Variants in IMMP2L observed in about 807,000 individuals in gnomAD.
IMMP2L encodes the protein inner mitochondrial membrane peptidase subunit 2, also known as mitochondrial inner membrane protease subunit 2.
IMMP2L carries 18 observed loss-of-function variants against 19.3 expected under a neutral mutation model. That is an observed-to-expected ratio of 0.93 (90% CI 0.64 to 1.38). IMMP2L has a LOEUF of 1.38. IMMP2L is among the 40% of genes most tolerant of loss of function. IMMP2L has a pLI of 0.00. For missense variants in IMMP2L, 233 were observed against 218.2 expected, an observed-to-expected ratio of 1.07 and a Z score of -0.43; for synonymous variants, 76 against 73.0, an observed-to-expected ratio of 1.04 and a Z score of -0.21.
chr7:111,085,043 TA>T (rs1796198299), intron 3 of IMMP2L, among the ~76,000 whole-genome samples: 1 of 151,914 alleles, frequency 6.6e-6, no homozygotes, highest in Non-Finnish European at 1.5e-5. Context: ...GAGAGAGACA[TA>T]GAGAAAAGCC....
intron 5 of IMMP2L, among the ~76,000 whole-genome samples, chr7:110,685,097 G>A (rs954222943): frequency 6.6e-6 from 1 of 151,862 alleles, no homozygotes; most frequent in East Asian, 1.9e-4. Flanking sequence ...CTAATCCATC[G>A]GTCAAATAGA....
intron 4 of IMMP2L, among the ~76,000 whole-genome samples, chr7:110,901,980 G>A (rs1031351982): frequency 2.6e-5 from 4 of 152,050 alleles, no homozygotes; most frequent in Non-Finnish European, 5.9e-5. Context: ...AAAGCTATAA[G>A]ACTATATGAA....
chr7:111,192,194 C>T (rs540283536), intron 3 of IMMP2L, among the ~76,000 whole-genome samples: 8 of 152,082 alleles, frequency 5.3e-5, no homozygotes, highest in African/African-American at 1.7e-4. Flanking sequence ...CCTCATCAGC[C>T]TTGATCAGAT....
At position 110,728,697 on chromosome 7, in the gene IMMP2L, C is replaced by CA. The variant is rs1182889223; in HGVS notation, c.409-64977dup. ...CAAAGGACAGTAATAAGTCCAGTCT[C>CA]AAAAAAGTATTGTTTGTACTGAATG... is the stretch of plus-strand genomic sequence containing the variant. On this transcript the variant is annotated intron_variant, in intron 5 of 5. Transcript: ENST00000405709. The surrounding 1 kb of genome is among the most constrained non-coding windows in gnomAD (Gnocchi z 4.6). Among the ~76,000 whole-genome samples the CA allele has an allele frequency of 6.6e-6, 1 of 151,992 alleles. No individual in the cohort carries two copies. Among genetic ancestry groups the CA allele is most frequent in the Non-Finnish European group, 1.5e-5 (1 of 67,996 alleles).
intron 5 of IMMP2L, among the ~76,000 whole-genome samples, chr7:110,701,009 C>T (rs1159950888): frequency 6.6e-6 from 1 of 152,102 alleles, no homozygotes; most frequent in Admixed American, 6.5e-5. Flanking sequence ...TTATTTTTAA[C>T]AGACCTAAAT....
intron 1 of IMMP2L, among the ~76,000 whole-genome samples, chr7:111,543,801 C>T (rs1212402331): frequency 6.6e-6 from 1 of 152,108 alleles, no homozygotes; most frequent in Non-Finnish European, 1.5e-5. Context: ...TAAGAATATA[C>T]CTTTCATTCC....
intron 3 of IMMP2L, chr7:111,124,473 A>T (rs1801042960): frequency 6.2e-7 from 1 of 1,613,844 alleles, no homozygotes; most frequent in Admixed American, 1.7e-5. Flanking sequence ...ATGCTGCGCA[A>T]AGTGCTCGAA....
chr7:111,519,687 C>A (rs1302128006), intron 2 of IMMP2L, among the ~76,000 whole-genome samples: 1 of 151,992 alleles, frequency 6.6e-6, no homozygotes, highest in African/African-American at 2.4e-5. Flanking sequence ...TCTCTCAGCA[C>A]AAGCCATGAA....
intron 3 of IMMP2L, among the ~76,000 whole-genome samples, chr7:111,007,592 T>C (rs910834738): frequency 6.6e-6 from 1 of 152,140 alleles, no homozygotes; most frequent in African/African-American, 2.4e-5. Context: ...TTTTTTCATG[T>C]ACACTCACTC....
At chr7:111,447,996 A>C (rs1193332180) in intron 3 of IMMP2L, among the ~76,000 whole-genome samples, 2 of 143,282 alleles carry the variant, frequency 1.4e-5, no homozygotes, top group Non-Finnish European at 3.0e-5. Flanking sequence ...TCAATTCAAC[A>C]AGAAGAGCTA....
At chr7:110,855,772 T>C (rs908299956) in intron 5 of IMMP2L, among the ~76,000 whole-genome samples, 2 of 152,010 alleles carry the variant, frequency 1.3e-5, no homozygotes, top group African/African-American at 4.8e-5. Context: ...TCACCTTTAT[T>C]TGATCACTAT....
intron 5 of IMMP2L, among the ~76,000 whole-genome samples, chr7:110,814,400 T>C (rs2131290164): frequency 6.6e-6 from 1 of 150,576 alleles, no homozygotes; most frequent in Non-Finnish European, 1.5e-5. Flanking sequence ...AAGATGAAAA[T>C]GTATATGACC....
chr7:111,453,904 G>T (rs1839450777), intron 3 of IMMP2L, among the ~76,000 whole-genome samples: 2 of 152,240 alleles, frequency 1.3e-5, no homozygotes, highest in South Asian at 2.1e-4. Flanking sequence ...TTTCCCTATG[G>T]TTTGGGAAGT....
intron 3 of IMMP2L, among the ~76,000 whole-genome samples, chr7:111,419,522 T>A (rs1835280646): frequency 6.6e-6 from 1 of 151,768 alleles, no homozygotes; most frequent in Non-Finnish European, 1.5e-5. Flanking sequence ...TCTGATTGCC[T>A]CCTTTGGAGA....
At chr7:111,479,439 T>A (rs765894159) in intron 3 of IMMP2L, among the ~76,000 whole-genome samples, 4 of 152,184 alleles carry the variant, frequency 2.6e-5, no homozygotes, top group African/African-American at 4.8e-5. Flanking sequence ...CTGTGGCCTA[T>A]CTTTATGTAT....
chr7:111,308,586 A>C (rs1823147613), intron 3 of IMMP2L, among the ~76,000 whole-genome samples: 1 of 152,008 alleles, frequency 6.6e-6, no homozygotes, highest in Admixed American at 6.6e-5. Flanking sequence ...CAATTTAAAA[A>C]CATCTGACTC....
intron 5 of IMMP2L, among the ~76,000 whole-genome samples, chr7:110,856,297 C>G (rs1806757310): frequency 6.6e-6 from 1 of 151,950 alleles, no homozygotes; most frequent in Non-Finnish European, 1.5e-5. Flanking sequence ...TTGTGTCAAA[C>G]TTTAAAAAAA....
chr7:110,796,254 G>A (rs1800856574), intron 5 of IMMP2L, among the ~76,000 whole-genome samples: 1 of 151,908 alleles, frequency 6.6e-6, no homozygotes, highest in African/African-American at 2.4e-5. Flanking sequence ...AGCAGCATGA[G>A]AAAGAACTAA....
At chr7:110,818,058 G>C (rs575716103) in intron 5 of IMMP2L, among the ~76,000 whole-genome samples, 5 of 152,148 alleles carry the variant, frequency 3.3e-5, no homozygotes, top group Admixed American at 2.0e-4. Flanking sequence ...CATGGGCAAG[G>C]ACTTCATGTC....
Sources: allele counts gnomAD v4.1 joint callset (sites outside exome capture counted in the v4.1 genomes callset), GRCh38; gene constraint gnomAD v4.1.1; non-coding constraint Gnocchi (gnomAD v3.1); transcripts MANE v1.5; gene names NCBI Gene and HGNC (gene_info 2026-07-23, HGNC 2026-07-21).